Variants in CAMKMT observed in about 807,000 individuals in gnomAD.
The protein encoded by CAMKMT is CaM KMT.
CAMKMT carries 53 observed loss-of-function variants against 48.0 expected under a neutral mutation model. The ratio of observed to expected loss-of-function variants is 1.10; its 90% CI spans 0.89 to 1.39. CAMKMT has a LOEUF of 1.39. Ranked by LOEUF, CAMKMT falls within the 40% of genes most tolerant of loss-of-function variation. The pLI, the probability that CAMKMT is intolerant of heterozygous loss-of-function variation, is 0.00. For synonymous variants in CAMKMT, 165 were observed against 152.3 expected (o/e 1.08, Z -0.61); for missense variants, 428 against 402.7 (o/e 1.06, Z -0.54).
chr2:44,669,124 A>G (rs1437944031), intron 3 of CAMKMT, among the ~76,000 whole-genome samples: 1 of 152,166 alleles, frequency 6.6e-6, no homozygotes, highest in Non-Finnish European at 1.5e-5. Flanking sequence ...ATAATTTTAC[A>G]ATATACATAT....
intron 3 of CAMKMT, among the ~76,000 whole-genome samples, chr2:44,467,459 G>A (rs1668178602): frequency 6.6e-6 from 1 of 151,862 alleles, no homozygotes; most frequent in South Asian, 2.1e-4. Context: ...TTGAACATGG[G>A]AGGCAGAGGT....
rs150071877 is a variant in CAMKMT, at chr2:44,435,205, T to G, written c.376+44900T>G. Among the ~76,000 whole-genome samples the G allele has an allele frequency of 4.6e-5, 7 of 152,270 alleles. No homozygotes were observed. In the East Asian group the frequency reaches 1.2e-3, roughly 25 times the overall value. The stretch of plus-strand genomic sequence containing the variant: ...AGTATTTTTGGTCCCTAGCAACCAT[T>G]TAGTATGTAAATTAGGTATTCTCAG... On this transcript the variant is annotated intron_variant, in intron 3 of 10. Transcript: ENST00000378494.
intron 9 of CAMKMT, among the ~76,000 whole-genome samples, chr2:44,758,642 C>A (rs1413343055): frequency 6.6e-6 from 1 of 152,164 alleles, no homozygotes; most frequent in African/African-American, 2.4e-5. Context: ...TTCCAAGAAG[C>A]AATGTCCCCC....
intron 7 of CAMKMT, among the ~76,000 whole-genome samples, chr2:44,740,789 A>T (rs1438451590): frequency 6.6e-6 from 1 of 152,202 alleles, no homozygotes; most frequent in Non-Finnish European, 1.5e-5. Context: ...GAGTAATTAC[A>T]ATGATAAGTC....
At chr2:44,716,933 A>C (rs1173461522) in intron 7 of CAMKMT, among the ~76,000 whole-genome samples, 1 of 152,210 alleles carries the variant, frequency 6.6e-6, no homozygotes, top group African/African-American at 2.4e-5. Flanking sequence ...GGGTGTTAAT[A>C]ATCACTAATT....
intron 3 of CAMKMT, among the ~76,000 whole-genome samples, chr2:44,428,648 G>C (rs760790380): frequency 7.9e-5 from 12 of 152,108 alleles, no homozygotes; most frequent in African/African-American, 1.4e-4. Context: ...GGTTTTTCTT[G>C]AATTTTTGTA....
chr2:44,623,981 C>A (rs1473488395), intron 3 of CAMKMT, among the ~76,000 whole-genome samples: 10 of 151,938 alleles, frequency 6.6e-5, no homozygotes, highest in Admixed American at 3.3e-4. Context: ...GTAGTTTAGT[C>A]TTTTTGAATT....
At chr2:44,689,909 G>T (rs1273066731) in intron 3 of CAMKMT, among the ~76,000 whole-genome samples, 1 of 152,220 alleles carries the variant, frequency 6.6e-6, no homozygotes, top group Non-Finnish European at 1.5e-5. Flanking sequence ...AGAGAGCTGT[G>T]CTCAATATTG....
chr2:44,660,894 G>C (rs1406741029), intron 3 of CAMKMT, among the ~76,000 whole-genome samples: 1 of 152,132 alleles, frequency 6.6e-6, no homozygotes, highest in Non-Finnish European at 1.5e-5. Context: ...ACCTGGCCAG[G>C]CCAGTGTATT....
chr2:44,608,141 C>T (rs1422498949), intron 3 of CAMKMT, among the ~76,000 whole-genome samples: 1 of 144,538 alleles, frequency 6.9e-6, no homozygotes, highest in Non-Finnish European at 1.5e-5. Context: ...GGCAGCATCT[C>T]GGCTCACTGC....
At chr2:44,483,881 T>C (rs1352098518) in intron 3 of CAMKMT, among the ~76,000 whole-genome samples, 1 of 152,190 alleles carries the variant, frequency 6.6e-6, no homozygotes. Flanking sequence ...TAGAAGTATA[T>C]GATACTGGCA....
At chr2:44,427,673 A>G (rs1421686952) in intron 3 of CAMKMT, among the ~76,000 whole-genome samples, 2 of 152,228 alleles carry the variant, frequency 1.3e-5, no homozygotes, top group African/African-American at 4.8e-5. Context: ...AAATGTGTAT[A>G]TGTATTTTTT....
Position 44,715,289 on chromosome 2 carries a change from G to T in CAMKMT, c.559G>T (p.Val187Leu). 6.2e-7 allele frequency: 1 copy of T among 1,608,516 alleles called. No homozygotes were observed. Among genetic ancestry groups the T allele is most frequent in the East Asian group, 2.2e-5 (1 of 44,542 alleles). ...GTTTTCTTAACTGTGTCCTGTAGAT[G>T]TGCAAGACATCATCACAAGGAATCA... is the stretch of plus-strand genomic sequence containing the variant. ...TDGNEKAIRN[V>L]QDIITRNQKA... Residue 187 changes from valine (V) to leucine (L), a missense_variant and splice_region_variant, in exon 7 of 11, where the codon GTG becomes TTG. Coordinates refer to ENST00000378494, the MANE Select transcript of CAMKMT (RefSeq NM_024766.5).
chr2:44,499,819 A>T (rs1669923739), intron 3 of CAMKMT, among the ~76,000 whole-genome samples: 1 of 152,144 alleles, frequency 6.6e-6, no homozygotes, highest in Non-Finnish European at 1.5e-5. Flanking sequence ...CACTGAGTAA[A>T]ATCTGTTTTG....
At chr2:44,727,560 A>G (rs1440109449) in intron 7 of CAMKMT, among the ~76,000 whole-genome samples, 1 of 152,244 alleles carries the variant, frequency 6.6e-6, no homozygotes, top group Non-Finnish European at 1.5e-5. Flanking sequence ...ATCAACAGCA[A>G]AGAGAGATAG....
At position 44,372,746 on chromosome 2, in the gene CAMKMT, C is replaced by G. The variant is rs760819119; in HGVS notation, c.169C>G (p.Leu57Val). ...VLKQKHLDDC[L>V]RHVSVRRFES... ...GAAGCAAAAACACCTGGATGATTGC[C>G]TGCGACATGTATCTGTAAGAAGATT... The change falls in exon 2 of 11, where the codon CTG (leucine) becomes GTG (valine). Residue 57 changes from leucine (L) to valine (V), a missense_variant. Coordinates refer to ENST00000378494, the MANE Select transcript of CAMKMT (RefSeq NM_024766.5). 6.2e-7 allele frequency: 1 copy of G among 1,613,252 alleles called. No homozygotes were observed. Among genetic ancestry groups the G allele is most frequent in the Non-Finnish European group, 8.5e-7 (1 of 1,179,776 alleles).
chr2:44,715,192 CAAAAAAAAA>C, intron 6 of CAMKMT, 86 bp from the exon 7 acceptor site: 6 of 424,122 alleles, frequency 1.4e-5, no homozygotes, highest in South Asian at 5.8e-5. Flanking sequence ...GACCCTGTCT[CAAAAAAAAA>C]AAAAAAAAAA....
intron 3 of CAMKMT, among the ~76,000 whole-genome samples, chr2:44,700,946 TC>T (rs1380536406): frequency 6.6e-6 from 1 of 152,148 alleles, no homozygotes; most frequent in East Asian, 1.9e-4. Flanking sequence ...CGTTTTCAAG[TC>T]CCATCTATGT....
chr2:44,558,405 C>A (rs1474424544), intron 3 of CAMKMT, among the ~76,000 whole-genome samples: 2 of 152,040 alleles, frequency 1.3e-5, no homozygotes, highest in Admixed American at 1.3e-4. Context: ...TAAGTTTAGA[C>A]CTCGGGTGGA....
Sources: gnomAD v4.1 joint callset for allele counts (sites outside exome capture counted in the v4.1 genomes callset) on GRCh38, gnomAD v4.1.1 for gene constraint, MANE v1.5 for transcripts, NCBI Gene and HGNC (gene_info 2026-07-23, HGNC 2026-07-21) for gene names.